GRB14: variants seen among roughly 807,000 people sequenced by gnomAD.
The protein encoded by GRB14 is growth factor receptor bound protein 14.
Under a neutral mutation model 69.1 loss-of-function variants are expected in GRB14, and 38 were observed. The ratio of observed to expected loss-of-function variants is 0.55; its 90% CI spans 0.42 to 0.72. The LOEUF is 0.72. Among genes scored for constraint, GRB14 ranks in the 30% least tolerant of loss-of-function variants. The probability of loss-of-function intolerance (pLI) is 0.00; values close to 1 mark genes in which losing one functional copy is unlikely to be tolerated. For synonymous variants in GRB14, 247 were observed against 241.3 expected, an observed-to-expected ratio of 1.02 and a Z score of -0.22; for missense variants, 666 against 666.1, an observed-to-expected ratio of 1.00 and a Z score of 0.00.
intron 3 of GRB14, among the ~76,000 whole-genome samples, chr2:164,543,711 A>G (rs917039657): frequency 6.6e-6 from 1 of 152,224 alleles, no homozygotes; most frequent in Non-Finnish European, 1.5e-5. Context: ...TTTAAGGAGA[A>G]AAAAACCACT....
chr2:164,572,724 G>C (rs1203120564), intron 2 of GRB14, among the ~76,000 whole-genome samples: 1 of 152,096 alleles, frequency 6.6e-6, no homozygotes, highest in Non-Finnish European at 1.5e-5. Context: ...TTAGAATGGA[G>C]GTTCCTTGAG....
chr2:164,498,390 G>A (rs1686961588), intron 9 of GRB14, among the ~76,000 whole-genome samples: 1 of 151,704 alleles, frequency 6.6e-6, no homozygotes, highest in African/African-American at 2.4e-5. Flanking sequence ...TTGTTTGTTT[G>A]GGGCTCTACT....
intron 2 of GRB14, among the ~76,000 whole-genome samples, chr2:164,548,245 C>G (rs996146380): frequency 1.3e-5 from 2 of 152,132 alleles, no homozygotes; most frequent in African/African-American, 4.8e-5. Flanking sequence ...CATCTGAGAT[C>G]ATGCAATATT....
At chr2:164,523,958 C>A (rs1236121142) in intron 5 of GRB14, among the ~76,000 whole-genome samples, 1 of 152,028 alleles carries the variant, frequency 6.6e-6, no homozygotes, top group Non-Finnish European at 1.5e-5. Context: ...AGTCCTGGGG[C>A]ACAGCTGCTG....
chr2:164,609,219 C>G (rs1690109627), intron 2 of GRB14, among the ~76,000 whole-genome samples: 1 of 152,180 alleles, frequency 6.6e-6, no homozygotes, highest in Non-Finnish European at 1.5e-5. Flanking sequence ...GCTAAGGCCT[C>G]CTTGACTGCC....
intron 6 of GRB14, among the ~76,000 whole-genome samples, chr2:164,514,147 G>T (rs1687417152): frequency 6.6e-6 from 1 of 152,180 alleles, no homozygotes; most frequent in Non-Finnish European, 1.5e-5. Context: ...TACAATGTAT[G>T]TAAGGAGACA....
At chr2:164,616,319 G>A (rs1300710766) in intron 2 of GRB14, among the ~76,000 whole-genome samples, 23 of 151,348 alleles carry the variant, frequency 1.5e-4, no homozygotes, top group African/African-American at 4.4e-4. Context: ...CCAGCTACTC[G>A]GGAGGCTGAG....
At chr2:164,538,011 AAAG>A (rs1688124853) in intron 3 of GRB14, among the ~76,000 whole-genome samples, 1 of 152,100 alleles carries the variant, frequency 6.6e-6, no homozygotes. Context: ...TAAAAAAAAA[AAAG>A]AGCGAAGGAG....
intron 3 of GRB14, among the ~76,000 whole-genome samples, chr2:164,537,594 C>G (rs1688110961): frequency 2.0e-5 from 3 of 152,262 alleles, no homozygotes; most frequent in African/African-American, 7.2e-5. Context: ...AATGTTGGTA[C>G]TACCAGAGGC....
At position 164,527,127 on chromosome 2, in the gene GRB14, T is replaced by C. The variant is rs139873823; in HGVS notation, c.490A>G (p.Ile164Val). Residue 164 changes from isoleucine (I) to valine (V), a missense_variant, in exon 4 of 14, where the codon ATA becomes GTA. Coordinates refer to ENST00000263915, the MANE Select transcript of GRB14 (RefSeq NM_004490.3). ...TCAATCACCAGTTCGTGGTCTTCTA[T>C]TGTTCTTTCTGTAAAGAATGTTTCA... ...HLPHIGVERTIEDHELVIEVL... is the reference protein window; with the variant it reads ...HLPHIGVERTVEDHELVIEVL... 3.1e-5 allele frequency: 48 copies of C among 1,549,476 alleles called. No individual in the cohort carries two copies. The highest frequency in any genetic ancestry group is 3.5e-4 in the Middle Eastern group (2 of 5,762).
intron 12 of GRB14, 81 bp from the exon 13 acceptor site, chr2:164,494,605 G>C (rs1686843904): frequency 1.2e-6 from 1 of 825,680 alleles, no homozygotes; most frequent in African/African-American, 1.7e-5. Context: ...AATCCAAGAA[G>C]TGTATGCATA....
chr2:164,498,956 C>G (rs1178954682), intron 9 of GRB14, among the ~76,000 whole-genome samples: 1 of 152,104 alleles, frequency 6.6e-6, no homozygotes, highest in Non-Finnish European at 1.5e-5. Context: ...CACACAGATG[C>G]TGTCTCTGTA....
At chr2:164,563,610 C>A (rs898004240) in intron 2 of GRB14, among the ~76,000 whole-genome samples, 1 of 152,192 alleles carries the variant, frequency 6.6e-6, no homozygotes, top group Non-Finnish European at 1.5e-5. Flanking sequence ...AAAGGACCCA[C>A]ACTAGAGAAG....
chr2:164,561,155 T>A (rs1688818029), intron 2 of GRB14, among the ~76,000 whole-genome samples: 1 of 152,080 alleles, frequency 6.6e-6, no homozygotes, highest in Non-Finnish European at 1.5e-5. Flanking sequence ...TGCAAAATCA[T>A]GATGCCCAGC....
chr2:164,502,404 C>T, intron 8 of GRB14, 69 bp from the exon 9 acceptor site: 2 of 903,324 alleles, frequency 2.2e-6, no homozygotes, highest in Non-Finnish European at 3.6e-6. Flanking sequence ...AAAATCAACA[C>T]TTTCATCAAT....
chr2:164,541,480 T>A (rs1307372070), intron 3 of GRB14, among the ~76,000 whole-genome samples: 1 of 150,964 alleles, frequency 6.6e-6, no homozygotes, highest in African/African-American at 2.4e-5. Flanking sequence ...CTCCAAAAAA[T>A]AATAATAATA....
chr2:164,537,536 G>A (rs537751254), intron 3 of GRB14, among the ~76,000 whole-genome samples: 153 of 152,228 alleles, frequency 1.0e-3, no homozygotes, highest in African/African-American at 3.6e-3. Flanking sequence ...CCCCACAGAG[G>A]ACCTTGGATC....
At position 164,547,771 on chromosome 2, in the gene GRB14, C is replaced by G; in HGVS notation, c.370G>C (p.Val124Leu). 6.2e-7 allele frequency: 1 copy of G among 1,613,680 alleles called. No individual in the cohort carries two copies. Among genetic ancestry groups the G allele is most frequent in the African/African-American group, 1.3e-5 (1 of 75,048 alleles). The stretch of plus-strand genomic sequence containing the variant: ...TCTCGAGCCGTTATGTCACTGGGTA[C>G]ATCTAAAGCCCTGCTGGTTTCATCT... Reference protein sequence around the residue: ...SEDETSRALDVPSDITARDVC... With the variant: ...SEDETSRALDLPSDITARDVC... The change falls in exon 3 of 14, where the codon GTA becomes CTA. Residue 124 changes from valine (V) to leucine (L), a missense_variant. Physicochemically the swap from Val to Leu is conservative, Grantham distance 32. Transcript: ENST00000263915.
chr2:164,593,819 G>T (rs1559065812), intron 2 of GRB14, among the ~76,000 whole-genome samples: 2 of 152,120 alleles, frequency 1.3e-5, no homozygotes, highest in Non-Finnish European at 2.9e-5. Context: ...TGCACAGTTG[G>T]CCACTTGGAA....
Sources: gnomAD v4.1 joint callset for allele counts (sites outside exome capture counted in the v4.1 genomes callset) on GRCh38, gnomAD v4.1.1 for gene constraint, MANE v1.5 for transcripts, NCBI Gene and HGNC (gene_info 2026-07-23, HGNC 2026-07-21) for gene names.